RALGAPB: variants seen among roughly 807,000 people sequenced by gnomAD.
The protein encoded by RALGAPB is ral GTPase-activating protein subunit beta.
Under a neutral mutation model 161.1 loss-of-function variants are expected in RALGAPB, and 25 were observed. The observed-to-expected ratio is 0.16, with a 90% CI of 0.11 to 0.22. RALGAPB has a LOEUF of 0.22. RALGAPB is among the 10% of genes least tolerant of loss of function. RALGAPB has a pLI of 1.00. For synonymous variants in RALGAPB, 629 were observed against 626.1 expected (o/e 1.00, Z -0.07); for missense variants, 1,391 against 1,815.2 (o/e 0.77, Z 4.25).
intron 7 of RALGAPB, chr20:38,516,779 C>G (rs545738746): frequency 8.0e-4 from 126 of 158,266 alleles, no homozygotes; most frequent in African/African-American, 2.8e-3. Context: ...CATTTGGGAC[C>G]ATTCTCATGT....
rs189355156 is a variant in RALGAPB at position 38,542,163 on chromosome 20, A to T, written c.2714+971A>T. On this transcript the variant is annotated intron_variant, in intron 18 of 29. Transcript: ENST00000262879. Reference sequence around the variant, plus strand: ...GGGGCTTATGAAAGGATATGTGCAGATGAAGGCTCAGAAAATGTAAAAGCA... The same window carrying T: ...GGGGCTTATGAAAGGATATGTGCAGTTGAAGGCTCAGAAAATGTAAAAGCA... 6.6e-4 allele frequency among the ~76,000 whole-genome samples: 100 copies of T among 152,344 alleles called. 1 individual carries two copies. Among genetic ancestry groups the T allele is most frequent in the East Asian group, 2.5e-3 (13 of 5,184 alleles).
intron 14 of RALGAPB, 44 bp downstream of exon 14, chr20:38,531,275 A>G (rs1215152987): frequency 6.8e-7 from 1 of 1,460,954 alleles, no homozygotes; most frequent in South Asian, 1.2e-5. Context: ...TCACTTTTGA[A>G]TTTCATGTAA....
chr20:38,500,872 A>G (rs1176456035), intron 5 of RALGAPB, among the ~76,000 whole-genome samples: 1 of 152,228 alleles, frequency 6.6e-6, no homozygotes, highest in Non-Finnish European at 1.5e-5. Flanking sequence ...AACCAGTCAC[A>G]ACATTTTCTT....
intron 13 of RALGAPB, among the ~76,000 whole-genome samples, chr20:38,530,168 G>C (rs929848863): frequency 6.6e-6 from 1 of 152,176 alleles, no homozygotes; most frequent in African/African-American, 2.4e-5. Context: ...CTGTTAGAGA[G>C]ATGAACTACT....
At chr20:38,571,568 T>C (rs563490652) in intron 28 of RALGAPB, among the ~76,000 whole-genome samples, 5 of 152,236 alleles carry the variant, frequency 3.3e-5, no homozygotes, top group African/African-American at 4.8e-5. Context: ...AATATTTCAT[T>C]GTATGTGTAC....
chr20:38,520,524 CT>C (rs775371608), intron 9 of RALGAPB, among the ~76,000 whole-genome samples: 1,069 of 70,310 alleles, frequency 0.015, 5 homozygotes, highest in Middle Eastern at 0.05. Flanking sequence ...TGTGTTTTGG[CT>C]TTTTTTTTTT....
rs1208958919 is a variant in RALGAPB, at chr20:38,499,584, C to G, written c.691C>G (p.Pro231Ala). The change falls in exon 5 of 30, where the codon CCA becomes GCA. Residue 231 changes from proline (P) to alanine (A), a missense_variant. By Grantham distance (27) the Pro-to-Ala change is conservative. Around this residue, in one of 3 missense-constraint regions of RALGAPB, gnomAD observed 946 missense variants for 1,257.2 expected, o/e 0.75. Transcript: ENST00000262879. ...KEMVANWRHHPAVVEQWSKVI... is the reference protein window; with the variant it reads ...KEMVANWRHHAAVVEQWSKVI... Reference sequence around the variant, plus strand: ...GATGGTGGCTAACTGGAGGCATCACCCAGCAGTGGTGGAGCAGTGGAGCAA... The same window carrying G: ...GATGGTGGCTAACTGGAGGCATCACGCAGCAGTGGTGGAGCAGTGGAGCAA... 6.2e-7 allele frequency: 1 copy of G among 1,613,848 alleles called. No individual in the cohort carries two copies. The highest frequency in any genetic ancestry group is 1.7e-5 in the Admixed American group (1 of 59,972).
rs376881255 is a variant in RALGAPB, at chr20:38,488,471, G to C, written c.39G>C (p.Gln13His). ...GGAGGTCACTGCATTTGGTGATTCAGAATGATCAAGGCCATACCAGTGTGC... is the reference window on the plus strand; with the variant it reads ...GGAGGTCACTGCATTTGGTGATTCACAATGATCAAGGCCATACCAGTGTGC... Reference protein sequence around the residue: ...SEWRSLHLVIQNDQGHTSVLH... With the variant: ...SEWRSLHLVIHNDQGHTSVLH... Residue 13 changes from glutamine (Q) to histidine (H), a missense_variant, in exon 2 of 30, where the codon CAG (glutamine) becomes CAC (histidine). Gln to His is a conservative substitution (Grantham distance 24, BLOSUM62 0). Coordinates refer to ENST00000262879, the MANE Select transcript of RALGAPB (RefSeq NM_020336.4). 1.2e-6 allele frequency: 2 copies of C among 1,614,054 alleles called. No homozygotes were observed. Among genetic ancestry groups the C allele is most frequent in the Non-Finnish European group, 1.7e-6 (2 of 1,180,028 alleles).
At chr20:38,473,132 C>G (rs530717606) in intron 1 of RALGAPB, 63 bp downstream of exon 1, 1 of 334,788 alleles carries the variant, frequency 3.0e-6, no homozygotes, top group South Asian at 1.5e-4. Flanking sequence ...TCTTCCCCAC[C>G]TGGCGGTCAA....
chr20:38,530,379 A>G (rs1222099884), intron 13 of RALGAPB, among the ~76,000 whole-genome samples: 1 of 152,040 alleles, frequency 6.6e-6, no homozygotes, highest in African/African-American at 2.4e-5. Flanking sequence ...TATGGTCTGT[A>G]AGTGTTTGTG....
In RALGAPB at chr20:38,574,288, G is replaced by A; in HGVS notation, c.4281G>A (p.Arg1427=). 1.2e-6 allele frequency: 2 copies of A among 1,610,020 alleles called. No individual in the cohort carries two copies. The highest frequency in any genetic ancestry group is 1.1e-5 in the South Asian group (1 of 90,162). Reference sequence around the variant, plus strand: ...TTGTGGATGGGATGATTGTCAGCAGGCGAGCTCTTGGTAAGGTCTTCATAT... The same window carrying A: ...TTGTGGATGGGATGATTGTCAGCAGACGAGCTCTTGGTAAGGTCTTCATAT... The part of the protein sequence containing the change: ...IPLVDGMIVS[R]RALGFLVRQT... The change falls in exon 29 of 30, where the codon AGG becomes AGA. Residue 1427 remains arginine (R), a synonymous_variant. Coordinates refer to ENST00000262879, the MANE Select transcript of RALGAPB (RefSeq NM_020336.4).
chr20:38,480,250 T>C (rs1172088102), intron 1 of RALGAPB, among the ~76,000 whole-genome samples: 1 of 152,088 alleles, frequency 6.6e-6, no homozygotes, highest in Non-Finnish European at 1.5e-5. Flanking sequence ...GGTCACTGCT[T>C]ACCTTTGAAA....
In RALGAPB at chr20:38,517,970, A is replaced by G. The variant is rs1261754964; in HGVS notation, c.1387A>G (p.Asn463Asp). ...DAAFVHCKLH[N>D]GINRDSSMTA... ...AGCATTTGTTCACTGTAAACTTCAT[A>G]ATGGGATAAACAGAGACAGCAGCAT... is the stretch of plus-strand genomic sequence containing the variant. Residue 463 changes from asparagine (N) to aspartate (D), a missense_variant, in exon 9 of 30, where the codon AAT (asparagine) becomes GAT (aspartate). Asn to Asp is a conservative substitution (Grantham distance 23). Coordinates refer to ENST00000262879, the MANE Select transcript of RALGAPB (RefSeq NM_020336.4). 3.7e-6 allele frequency: 6 copies of G among 1,611,940 alleles called. No individual in the cohort carries two copies. The highest frequency in any genetic ancestry group is 2.2e-5 in the South Asian group (2 of 91,050).
chr20:38,570,874 C>A, intron 28 of RALGAPB, 27 bp downstream of exon 28: 1 of 1,468,480 alleles, frequency 6.8e-7, no homozygotes, highest in Non-Finnish European at 9.5e-7. Context: ...TGAAGTTCAT[C>A]AGCGTGTCTT....
At chr20:38,556,703 C>T (rs1329584109) in intron 22 of RALGAPB, among the ~76,000 whole-genome samples, 1 of 151,526 alleles carries the variant, frequency 6.6e-6, no homozygotes, top group South Asian at 2.1e-4. Flanking sequence ...GAAGATCACA[C>T]AGAAGAACAA....
chr20:38,527,094 A>C (rs1568943303), intron 13 of RALGAPB, among the ~76,000 whole-genome samples: 4 of 152,204 alleles, frequency 2.6e-5, no homozygotes, highest in Admixed American at 2.0e-4. Flanking sequence ...CTCCCCGCTT[A>C]TGGAGCAATT....
At chr20:38,569,278 G>T (rs2088134883) in intron 26 of RALGAPB, 1 of 152,682 alleles carries the variant, frequency 6.5e-6, no homozygotes, top group African/African-American at 2.4e-5. Flanking sequence ...TGCAGCTCAG[G>T]GTACCAGTTT....
chr20:38,477,072 A>T (rs911469914), intron 1 of RALGAPB, among the ~76,000 whole-genome samples: 2 of 152,188 alleles, frequency 1.3e-5, no homozygotes, highest in Non-Finnish European at 2.9e-5. Flanking sequence ...ATAGTGTAGT[A>T]TCTGAAGCAG....
At chr20:38,478,305 G>A (rs1347351319) in intron 1 of RALGAPB, among the ~76,000 whole-genome samples, 3 of 152,212 alleles carry the variant, frequency 2.0e-5, no homozygotes, top group Non-Finnish European at 4.4e-5. Context: ...GGTTAGTGAC[G>A]TCTGTCTTAC....
Sources: gnomAD v4.1 joint callset for allele counts (sites outside exome capture counted in the v4.1 genomes callset) on GRCh38, gnomAD v4.1.1 for gene constraint, gnomAD v4.1.1 regional missense constraint, MANE v1.5 for transcripts, NCBI Gene and HGNC (gene_info 2026-07-23, HGNC 2026-07-21) for gene names.